Variants in DPY19L2 observed in about 807,000 individuals in gnomAD.
The protein encoded by DPY19L2 is probable C-mannosyltransferase DPY19L2.
Under a neutral mutation model 97.9 loss-of-function variants are expected in DPY19L2, and 34 were observed. That is an observed-to-expected ratio of 0.35 (90% CI 0.26 to 0.46). DPY19L2 has a LOEUF of 0.46. DPY19L2 is among the 20% of genes least tolerant of loss of function. The probability of loss-of-function intolerance (pLI) is 1.00; values close to 1 mark genes in which losing one functional copy is unlikely to be tolerated. For synonymous variants in DPY19L2, 230 were observed against 307.9 expected (o/e 0.75, Z 2.65); for missense variants, 623 against 911.4 (o/e 0.68, Z 4.07).
intron 12 of DPY19L2, among the ~76,000 whole-genome samples, chr12:63,605,878 G>A (rs545539341): frequency 6.8e-4 from 103 of 152,186 alleles, no homozygotes; most frequent in Non-Finnish European, 1.0e-4. Context: ...TGCTGAAATT[G>A]CTTTGAATCT....
Position 63,668,364 on chromosome 12 carries a change from C to A in DPY19L2, c.30G>T (p.Arg10=), listed in dbSNP as rs1378915800. Reference sequence around the variant, plus strand: ...ACTGGCTGCGGCCGGAAGATTGCAGCCGCTTTGAGCTTACTCCTTGTTTTC... The same window carrying A: ...ACTGGCTGCGGCCGGAAGATTGCAGACGCTTTGAGCTTACTCCTTGTTTTC... MRKQGVSSK[R]LQSSGRSQSK... The change falls in exon 1 of 22, where the codon CGG becomes CGT. Residue 10 remains arginine (R), a synonymous_variant. Transcript: ENST00000324472. 4.3e-6 allele frequency: 7 copies of A among 1,613,298 alleles called. No individual in the cohort carries two copies. The highest frequency in any genetic ancestry group is 5.9e-6 in the Non-Finnish European group (7 of 1,179,800).
chr12:63,631,727 A>G (rs899046870), intron 6 of DPY19L2, among the ~76,000 whole-genome samples: 3 of 152,208 alleles, frequency 2.0e-5, no homozygotes, highest in Non-Finnish European at 2.9e-5. Context: ...GGCCAGCATC[A>G]TCCTGATACC....
chr12:63,569,050 TC>T (rs1266400847), intron 21 of DPY19L2, among the ~76,000 whole-genome samples, 173 bp downstream of exon 21: 8 of 151,984 alleles, frequency 5.3e-5, no homozygotes, highest in African/African-American at 1.9e-4. Context: ...AAATTCTACT[TC>T]ATTGATAGTA....
chr12:63,667,452 G>T (rs1463757045), intron 1 of DPY19L2, among the ~76,000 whole-genome samples: 4 of 152,066 alleles, frequency 2.6e-5, no homozygotes, highest in Non-Finnish European at 4.4e-5. Context: ...CTAAATGCTT[G>T]AAGGGCTTAT....
In DPY19L2 at chr12:63,560,453, A is replaced by G. The variant is rs1876245257; in HGVS notation, c.*59T>C. Reference sequence around the variant, plus strand: ...TGATTTTTATTAATGTGAATAAGCCAAAGGGTGATTGTTTTTGACACACGG... The same window carrying G: ...TGATTTTTATTAATGTGAATAAGCCGAAGGGTGATTGTTTTTGACACACGG... On this transcript the variant is annotated 3_prime_UTR_variant, in exon 22 of 22. Coordinates refer to ENST00000324472, the MANE Select transcript of DPY19L2 (RefSeq NM_173812.5). The G allele has an allele frequency of 1.3e-6, 2 of 1,568,672 alleles. No homozygotes were observed. The highest frequency in any genetic ancestry group is 1.4e-5 in the African/African-American group (1 of 74,064).
At chr12:63,619,800 C>T (rs1190849843) in intron 9 of DPY19L2, 6 of 357,410 alleles carry the variant, frequency 1.7e-5, no homozygotes, top group Admixed American at 3.5e-5. Context: ...CCATCACACC[C>T]GGCCCCAAAG....
chr12:63,667,426 T>G (rs1896459094), intron 1 of DPY19L2, among the ~76,000 whole-genome samples: 1 of 152,120 alleles, frequency 6.6e-6, no homozygotes, highest in Non-Finnish European at 1.5e-5. Flanking sequence ...TGATATGGTG[T>G]AACGATGCCA....
intron 8 of DPY19L2, among the ~76,000 whole-genome samples, chr12:63,623,134 C>A (rs1257208767): frequency 5.9e-5 from 9 of 151,554 alleles, no homozygotes; most frequent in African/African-American, 2.2e-4. Flanking sequence ...AAACTTATTT[C>A]TCTGATAAGG....
chr12:63,600,317 C>T lies in DPY19L2; in HGVS notation c.1348G>A (p.Val450Ile), dbSNP rs1884926840. 11 of 1,607,080 alleles carry T rather than the reference C, an allele frequency of 6.8e-6. No homozygotes were observed. Among genetic ancestry groups the T allele is most frequent in the African/African-American group, 1.3e-5 (1 of 74,804 alleles). ...TAAAAAGTACTTACGTGGTCTGAAA[C>T]GCCTAAGATTTTAGATGTCAGAAAT... ...LKFLTSKILGVSDHIRLSDLI... is the reference protein window; with the variant it reads ...LKFLTSKILGISDHIRLSDLI... Residue 450 changes from valine to isoleucine, a missense_variant, in exon 13 of 22, where the codon GTT (valine) becomes ATT (isoleucine). Val to Ile is a conservative substitution (Grantham distance 29). Coordinates refer to ENST00000324472, the MANE Select transcript of DPY19L2 (RefSeq NM_173812.5).
Position 63,633,688 on chromosome 12 carries a change from G to A in DPY19L2, c.804-7162C>T, listed in dbSNP as rs1252368. 6.3e-3 allele frequency among the ~76,000 whole-genome samples: 961 copies of A among 152,092 alleles called. 15 individuals are homozygous for A. The highest frequency in any genetic ancestry group is 0.022 in the African/African-American group (900 of 41,472). ...TCAGGGATCTAGAAGTAGAAATACC[G>A]TTTGACCCAGCCATCCCATTACTGG... On this transcript the variant is annotated intron_variant, in intron 6 of 21. Transcript: ENST00000324472.
At chr12:63,652,779 A>C (rs1894444463) in intron 4 of DPY19L2, among the ~76,000 whole-genome samples, 1 of 151,866 alleles carries the variant, frequency 6.6e-6, no homozygotes, top group African/African-American at 2.4e-5. Context: ...CTTGAGGGTG[A>C]AGGGTATGAG....
rs151113885 is a variant in DPY19L2, at chr12:63,628,242, C to T, written c.804-1716G>A. Reference sequence around the variant, plus strand: ...GTGCAGGACAGTGGGTGCAGCGCACCGAGCATGAGCCAAAGCAGGGCAAGG... The same window carrying T: ...GTGCAGGACAGTGGGTGCAGCGCACTGAGCATGAGCCAAAGCAGGGCAAGG... On this transcript the variant is annotated intron_variant, in intron 6 of 21. Coordinates refer to ENST00000324472, the MANE Select transcript of DPY19L2 (RefSeq NM_173812.5). 1.4e-4 allele frequency among the ~76,000 whole-genome samples: 22 copies of T among 152,238 alleles called. 1 individual carries two copies. Among genetic ancestry groups the T allele is most frequent in the African/African-American group, 4.6e-4 (19 of 41,562 alleles).
intron 21 of DPY19L2, among the ~76,000 whole-genome samples, chr12:63,563,291 A>T (rs1592357747): frequency 6.6e-6 from 1 of 152,058 alleles, no homozygotes; most frequent in Non-Finnish European, 1.5e-5. Context: ...CTATTTATCA[A>T]TGTGTTCTCT....
At chr12:63,609,859 G>T (rs925644293) in intron 11 of DPY19L2, among the ~76,000 whole-genome samples, 2 of 152,132 alleles carry the variant, frequency 1.3e-5, no homozygotes, top group Middle Eastern at 3.4e-3. Context: ...TCATTTAGTT[G>T]GTGTAGAAAT....
intron 4 of DPY19L2, among the ~76,000 whole-genome samples, chr12:63,657,304 C>T (rs530022856): frequency 3.9e-5 from 6 of 152,182 alleles, no homozygotes; most frequent in South Asian, 4.2e-4. Flanking sequence ...TCTAGTGGTA[C>T]CTTGTTTTGA....
chr12:63,668,773 A>G (rs370741468), upstream of DPY19L2: 237 of 230,924 alleles, frequency 1.0e-3, no homozygotes, highest in African/African-American at 5.6e-3. Context: ...GCGCAGCCCC[A>G]TGTACAGCCC....
chr12:63,660,242 A>G (rs1895500779), intron 4 of DPY19L2, among the ~76,000 whole-genome samples: 1 of 152,146 alleles, frequency 6.6e-6, no homozygotes, highest in Non-Finnish European at 1.5e-5. Context: ...CTTTTAGATT[A>G]CATTGCTTGT....
At chr12:63,618,071 G>A (rs2659955) in intron 10 of DPY19L2, 80 bp downstream of exon 10, 61 of 1,346,758 alleles carry the variant, frequency 4.5e-5, no homozygotes, top group Middle Eastern at 2.6e-4. Flanking sequence ...AGGAGGTACC[G>A]TATAAAACAG....
chr12:63,644,644 C>A (rs1893152255), intron 5 of DPY19L2, 148 bp from the exon 6 acceptor site: 6 of 1,285,798 alleles, frequency 4.7e-6, no homozygotes, highest in Non-Finnish European at 6.3e-6. Context: ...AATTATTTAC[C>A]CTTATAAGAG....
Sources: gnomAD v4.1 joint callset for allele counts (sites outside exome capture counted in the v4.1 genomes callset) on GRCh38, gnomAD v4.1.1 for gene constraint, MANE v1.5 for transcripts, NCBI Gene and HGNC (gene_info 2026-07-23, HGNC 2026-07-21) for gene names.